The following GRM7 variants were observed in gnomAD, a reference collection of about 807,000 sequenced individuals.
GRM7 encodes glutamate metabotropic receptor 7.
Under a neutral mutation model 84.5 loss-of-function variants are expected in GRM7, and 35 were observed. The observed-to-expected ratio is 0.41, with a 90% confidence interval of 0.32 to 0.55. The LOEUF is 0.55. GRM7 is among the 20% of genes least tolerant of loss of function. The pLI is 0.19. For synonymous variants in GRM7, 487 were observed against 455.1 expected (o/e 1.07, Z -0.89); for missense variants, 1,003 against 1,194.6 (o/e 0.84, Z 2.36).
chr3:7,514,857 G>T (rs375178399), intron 7 of GRM7, among the ~76,000 whole-genome samples: 1 of 152,108 alleles, frequency 6.6e-6, no homozygotes, highest in Non-Finnish European at 1.5e-5. Context: ...TCCAGAGTCC[G>T]CTTCGATGAA....
Position 7,331,580 on chromosome 3 carries a change from C to T in GRM7, c.1033+24928C>T, listed in dbSNP as rs946070017. ...AATCTCTGTGAGATAGCAGCATGGA[C>T]CCTATAGCCAAAAGCACCTGAAACC... On this transcript the variant is annotated intron_variant, in intron 4 of 9. Transcript: ENST00000357716. Among the ~76,000 whole-genome samples, 3 of 152,134 alleles carry T rather than the reference C, an allele frequency of 2.0e-5. No individual in the cohort carries two copies. The East Asian group carries it at 5.8e-4, about 29-fold the overall frequency.
At chr3:7,740,071 G>C (rs1702638512) in intron 9 of GRM7, among the ~76,000 whole-genome samples, 1 of 152,136 alleles carries the variant, frequency 6.6e-6, no homozygotes, top group Admixed American at 6.5e-5. Context: ...AGGGTTGATT[G>C]ATTAGAAAGC....
intron 2 of GRM7, among the ~76,000 whole-genome samples, chr3:7,259,259 G>C (rs1026878161): frequency 3.3e-5 from 5 of 152,176 alleles, no homozygotes; most frequent in Admixed American, 6.5e-5. Context: ...GTGATCAAAT[G>C]AGCAAGTGTA....
chr3:6,903,272 T>C (rs1433441178), intron 1 of GRM7, among the ~76,000 whole-genome samples: 2 of 151,972 alleles, frequency 1.3e-5, no homozygotes, highest in African/African-American at 4.8e-5. Context: ...TATGTAGCAT[T>C]ATTGCATTCT....
chr3:7,476,745 C>T (rs1366751621), intron 7 of GRM7, among the ~76,000 whole-genome samples: 2 of 152,140 alleles, frequency 1.3e-5, no homozygotes, highest in Admixed American at 6.5e-5. Context: ...CCTGCTTCTC[C>T]TCATACCTCT....
chr3:7,704,510 GA>G (rs544811088), intron 9 of GRM7, among the ~76,000 whole-genome samples: 6 of 151,826 alleles, frequency 4.0e-5, no homozygotes, highest in African/African-American at 7.2e-5. Context: ...CTCTTTTATT[GA>G]AAAAAATGTA....
intron 1 of GRM7, among the ~76,000 whole-genome samples, chr3:7,097,285 C>T (rs1226165025): frequency 5.3e-5 from 8 of 152,036 alleles, no homozygotes; most frequent in Non-Finnish European, 1.2e-4. Context: ...ATGAGACAAC[C>T]AGAAAATGGC....
chr3:7,275,533 C>A (rs371549557), intron 2 of GRM7, among the ~76,000 whole-genome samples: 6 of 152,100 alleles, frequency 3.9e-5, no homozygotes, highest in Non-Finnish European at 5.9e-5. Context: ...TATCTCCTGC[C>A]CTTCCTCATT....
chr3:7,559,922 C>A (rs1285312285), intron 7 of GRM7, among the ~76,000 whole-genome samples: 3 of 152,000 alleles, frequency 2.0e-5, no homozygotes, highest in African/African-American at 7.3e-5. Flanking sequence ...CCTATCTCCT[C>A]ACCTTCTTTT....
At chr3:7,061,715 A>G (rs936666483) in intron 1 of GRM7, among the ~76,000 whole-genome samples, 1 of 151,772 alleles carries the variant, frequency 6.6e-6, no homozygotes, top group South Asian at 2.1e-4. Context: ...GAGTAAGAAC[A>G]GAAGCTTACA....
At chr3:7,497,254 T>A (rs1023124640) in intron 7 of GRM7, among the ~76,000 whole-genome samples, 2 of 152,056 alleles carry the variant, frequency 1.3e-5, no homozygotes, top group Non-Finnish European at 2.9e-5. Context: ...GTCATCTCAA[T>A]AAATAAGCAG....
intron 1 of GRM7, among the ~76,000 whole-genome samples, chr3:7,050,347 T>A (rs1182690363): frequency 6.6e-6 from 1 of 151,842 alleles, no homozygotes; most frequent in Non-Finnish European, 1.5e-5. Flanking sequence ...AAACACCCTA[T>A]AAGAATCTCA....
chr3:7,639,600 C>T (rs1291781936), intron 8 of GRM7, among the ~76,000 whole-genome samples: 3 of 152,022 alleles, frequency 2.0e-5, no homozygotes, highest in Non-Finnish European at 4.4e-5. Context: ...TACAACTTTC[C>T]CTAAAATTTC....
intron 2 of GRM7, among the ~76,000 whole-genome samples, chr3:7,243,623 C>T (rs1242084098): frequency 6.6e-6 from 1 of 152,040 alleles, no homozygotes; most frequent in Non-Finnish European, 1.5e-5. Flanking sequence ...CATTCATTGC[C>T]TTAGATTAAG....
At chr3:6,927,127 A>G (rs1247866456) in intron 1 of GRM7, among the ~76,000 whole-genome samples, 2 of 152,150 alleles carry the variant, frequency 1.3e-5, no homozygotes, top group Non-Finnish European at 2.9e-5. Flanking sequence ...ATAAGTAAGT[A>G]GAATTGTTAG....
intron 2 of GRM7, among the ~76,000 whole-genome samples, chr3:7,205,944 T>C (rs2124831000): frequency 6.6e-6 from 1 of 152,340 alleles, no homozygotes; most frequent in East Asian, 1.9e-4. Flanking sequence ...TTCTTAAAAT[T>C]TCCCTCAAGT....
At chr3:7,443,155 T>C (rs1697362455) in intron 5 of GRM7, among the ~76,000 whole-genome samples, 2 of 152,202 alleles carry the variant, frequency 1.3e-5, no homozygotes, top group Middle Eastern at 3.4e-3. Flanking sequence ...GAAAGAGTAG[T>C]GTAATGAATC....
At chr3:7,048,044 G>C (rs1463631803) in intron 1 of GRM7, among the ~76,000 whole-genome samples, 1 of 151,922 alleles carries the variant, frequency 6.6e-6, no homozygotes, top group African/African-American at 2.4e-5. Flanking sequence ...CTTAGTCTCA[G>C]TTCAACATTG....
intron 1 of GRM7, among the ~76,000 whole-genome samples, chr3:7,129,999 G>C (rs937415706): frequency 6.6e-6 from 1 of 152,154 alleles, no homozygotes; most frequent in South Asian, 2.1e-4. Flanking sequence ...ACCTAGTCAA[G>C]AGATGTGATT....
Sources: allele counts gnomAD v4.1 joint callset (sites outside exome capture counted in the v4.1 genomes callset), GRCh38; gene constraint gnomAD v4.1.1; transcripts MANE v1.5; gene names NCBI Gene and HGNC (gene_info 2026-07-23, HGNC 2026-07-21).